The following SEMA3A variants were observed in gnomAD, a reference collection of about 807,000 sequenced individuals.
The protein encoded by SEMA3A is semaphorin 3A.
A neutral mutation model predicts 97.9 loss-of-function variants in SEMA3A; 29 were observed. The observed-to-expected ratio is 0.30, with a 90% confidence interval of 0.22 to 0.40. The LOEUF is 0.40. Ranked by LOEUF, SEMA3A falls within the 10% of genes least tolerant of loss-of-function variation. SEMA3A has a pLI of 1.00. For synonymous variants in SEMA3A, 321 were observed against 323.7 expected (o/e 0.99, Z 0.09); for missense variants, 763 against 951.3 (o/e 0.80, Z 2.60).
chr7:84,341,685 A>G (rs1802175238), intron 2 of SEMA3A, among the ~76,000 whole-genome samples: 1 of 152,098 alleles, frequency 6.6e-6, no homozygotes, highest in Non-Finnish European at 1.5e-5. Context: ...AACCTGGATG[A>G]CTGAAATAGC....
In SEMA3A at chr7:84,046,379, A is replaced by G. The variant is rs1413694788; in HGVS notation, c.612T>C (p.Thr204=). 6 of 1,613,174 alleles carry G rather than the reference A, an allele frequency of 3.7e-6. No individual in the cohort carries two copies. Among genetic ancestry groups the G allele is most frequent in the Non-Finnish European group, 5.1e-6 (6 of 1,179,454 alleles). ...FMGRDFAIFR[T]LGHHHPIRTE... ...TCCTGATTGGGTGGTGGTGCCCAAG[A>G]GTTCGGAAGATAGCAAAGTCTCGCC... The change falls in exon 6 of 17, where the codon ACT becomes ACC. Residue 204 remains threonine, a synonymous_variant. Transcript: ENST00000265362.
intron 3 of SEMA3A, among the ~76,000 whole-genome samples, chr7:84,118,691 C>T (rs1214769386): frequency 6.6e-6 from 1 of 152,176 alleles, no homozygotes; most frequent in South Asian, 2.1e-4. Flanking sequence ...GTAAAAGACA[C>T]TATGGTCTTA....
In SEMA3A at chr7:84,005,355, A is replaced by G; in HGVS notation, c.1344T>C (p.Val448=). The change falls in exon 11 of 17, where the codon GTT becomes GTC. Residue 448 remains valine, a synonymous_variant. Transcript: ENST00000265362. The part of the protein sequence containing the change: ...RVDAEDGQYD[V]MFIGTDVGTV... ...AAAATTTACCTGTTCCGATAAACATAACATCATACTGTCCATCTTCTGCAT... is the reference window on the plus strand; with the variant it reads ...AAAATTTACCTGTTCCGATAAACATGACATCATACTGTCCATCTTCTGCAT... 2 of 1,612,522 alleles carry G rather than the reference A, an allele frequency of 1.2e-6. No individual in the cohort carries two copies. The highest frequency in any genetic ancestry group is 1.1e-5 in the South Asian group (1 of 91,022).
At chr7:84,301,458 T>A (rs1256758996) in intron 3 of SEMA3A, among the ~76,000 whole-genome samples, 3 of 151,896 alleles carry the variant, frequency 2.0e-5, no homozygotes, top group African/African-American at 7.3e-5. Context: ...AAAGAAGACA[T>A]GTAGATGGTA....
intron 2 of SEMA3A, among the ~76,000 whole-genome samples, chr7:84,313,378 A>ATGTGTG (rs1562898765): frequency 1.2e-5 from 1 of 81,366 alleles, no homozygotes; most frequent in East Asian, 8.1e-4. Flanking sequence ...ATATATATAT[A>ATGTGTG]TATATATATA....
chr7:84,422,468 GCTC>G (rs1804626876), intron 1 of SEMA3A, among the ~76,000 whole-genome samples: 1 of 151,764 alleles, frequency 6.6e-6, no homozygotes, highest in South Asian at 2.1e-4. Flanking sequence ...CAAAAAACCA[GCTC>G]CTAGATTCAT....
At chr7:84,328,359 G>C (rs1277265793) in intron 2 of SEMA3A, among the ~76,000 whole-genome samples, 1 of 151,900 alleles carries the variant, frequency 6.6e-6, no homozygotes, top group African/African-American at 2.4e-5. Context: ...ATGTCCTACA[G>C]AAAGTTCTGA....
chr7:84,092,199 T>C (rs1001660581), intron 4 of SEMA3A, among the ~76,000 whole-genome samples: 5 of 152,190 alleles, frequency 3.3e-5, no homozygotes, highest in African/African-American at 9.7e-5. Context: ...CTCCTGCCAA[T>C]TGAAATCTTG....
intron 3 of SEMA3A, among the ~76,000 whole-genome samples, chr7:84,208,812 G>A (rs1481810613): frequency 7.2e-5 from 11 of 152,100 alleles, no homozygotes; most frequent in Admixed American, 2.0e-4. Context: ...ATAAAGGCTA[G>A]TTTCAGAAAT....
intron 10 of SEMA3A, among the ~76,000 whole-genome samples, 197 bp from the exon 11 acceptor site, chr7:84,005,755 C>T (rs909554530): frequency 6.6e-6 from 1 of 152,018 alleles, no homozygotes; most frequent in Non-Finnish European, 1.5e-5. Flanking sequence ...GCAGACCAGC[C>T]TGGCCCAACA....
At chr7:84,024,564 C>T (rs11971592) in intron 6 of SEMA3A, among the ~76,000 whole-genome samples, 29 of 151,746 alleles carry the variant, frequency 1.9e-4, no homozygotes, top group Non-Finnish European at 2.8e-4. Context: ...AATGCCCCCC[C>T]ACAATAAAAG....
intron 1 of SEMA3A, among the ~76,000 whole-genome samples, chr7:84,438,688 A>G (rs887117921): frequency 3.3e-5 from 5 of 152,068 alleles, no homozygotes; most frequent in African/African-American, 1.2e-4. Flanking sequence ...TGATATGTTA[A>G]AGACTTCTGT....
intron 6 of SEMA3A, among the ~76,000 whole-genome samples, chr7:84,026,839 T>C (rs900260810): frequency 2.0e-5 from 3 of 152,064 alleles, no homozygotes; most frequent in African/African-American, 7.2e-5. Context: ...CACTGGACTC[T>C]ACTTGAGGGT....
At chr7:84,162,230 T>C (rs1056247327) in intron 1 of SEMA3A, among the ~76,000 whole-genome samples, 12 of 152,186 alleles carry the variant, frequency 7.9e-5, no homozygotes, top group Middle Eastern at 3.4e-3. Context: ...TTTTCTCTAA[T>C]AAAAAAAGAG....
In SEMA3A at chr7:84,307,728, T is replaced by C. The variant is rs577570009; in HGVS notation, c.-168-436A>G. 3.3e-5 allele frequency among the ~76,000 whole-genome samples: 5 copies of C among 152,298 alleles called. No individual in the cohort carries two copies. In the East Asian group the frequency reaches 5.8e-4, roughly 18 times the overall value. On this transcript the variant is annotated intron_variant, in intron 2 of 3. Transcript: ENST00000424555. The stretch of plus-strand genomic sequence containing the variant: ...CTAAGCAGTAATTTCATGACACTGT[T>C]AGTAAGTAACCGGATTTCACTTTAA...
chr7:83,956,310 T>C lies in SEMA3A; in HGVS notation c.*5061A>G, dbSNP rs1296010354. 1 of 152,132 alleles carries C rather than the reference T, an allele frequency of 6.6e-6. No individual in the cohort carries two copies. Among genetic ancestry groups the C allele is most frequent in the East Asian group, 1.9e-4 (1 of 5,192 alleles). The allele number at this position is 152,132 out of a possible 1,614,324, so 9.4% of individuals were successfully genotyped here. A position where few individuals can be genotyped will look rare whatever the true frequency, so the allele number is the denominator to read the frequency against. ...ATGCTAGCTGAGTGAGGTAAGGCTGTAGGTAGGTGAAATGTAACAGAAACT... is the reference window on the plus strand; with the variant it reads ...ATGCTAGCTGAGTGAGGTAAGGCTGCAGGTAGGTGAAATGTAACAGAAACT... On this transcript the variant is annotated 3_prime_UTR_variant, in exon 17 of 17. Coordinates refer to ENST00000265362, the MANE Select transcript of SEMA3A (RefSeq NM_006080.3).
chr7:84,394,483 A>T (rs150259819), intron 1 of SEMA3A, among the ~76,000 whole-genome samples: 4 of 152,122 alleles, frequency 2.6e-5, no homozygotes, highest in African/African-American at 9.6e-5. Flanking sequence ...TGTGATTTGT[A>T]AAGTACAATT....
chr7:83,965,516 A>C (rs960875142), intron 15 of SEMA3A, among the ~76,000 whole-genome samples: 2 of 150,074 alleles, frequency 1.3e-5, no homozygotes, highest in Admixed American at 6.7e-5. Context: ...TCTCAAAGAT[A>C]GAATTTCATA....
At chr7:84,046,184 C>T (rs753754115) in intron 6 of SEMA3A, 140 bp downstream of exon 6, 32 of 877,178 alleles carry the variant, frequency 3.6e-5, no homozygotes, top group Non-Finnish European at 5.0e-5. Context: ...CTTTCTCACA[C>T]CCACCATCAT....
Sources: gnomAD v4.1 joint callset for allele counts (sites outside exome capture counted in the v4.1 genomes callset) on GRCh38, gnomAD v4.1.1 for gene constraint, MANE v1.5 for transcripts, NCBI Gene and HGNC (gene_info 2026-07-23, HGNC 2026-07-21) for gene names.